Variants in PCDHGA2 observed in about 807,000 individuals in gnomAD.
PCDHGA2 encodes protocadherin gamma-A2.
A neutral mutation model predicts 59.2 loss-of-function variants in PCDHGA2; 40 were observed. The ratio of observed to expected loss-of-function variants is 0.68; its 90% CI spans 0.52 to 0.88. PCDHGA2 has a LOEUF of 0.88. Ranked by LOEUF, PCDHGA2 falls within the 40% of genes least tolerant of loss-of-function variation. The pLI is 0.00. For missense variants in PCDHGA2, 1,226 were observed against 1,204.0 expected, an observed-to-expected ratio of 1.02 and a Z score of -0.27; for synonymous variants, 560 against 526.0, an observed-to-expected ratio of 1.06 and a Z score of -0.89.
At chr5:141,371,060 A>G in intron 1 of PCDHGA2, 1 of 1,613,980 alleles carries the variant, frequency 6.2e-7, no homozygotes, top group Non-Finnish European at 8.5e-7. Flanking sequence ...AGCCCTCCAG[A>G]AGCTGTACCA....
At chr5:141,390,266 A>C in intron 1 of PCDHGA2, 2 of 1,614,010 alleles carry the variant, frequency 1.2e-6, no homozygotes, top group East Asian at 4.5e-5. Context: ...ATTCCAGTGA[A>C]TTGACTTCCC....
In PCDHGA2 at chr5:141,340,257, A is replaced by T. The variant is rs76916777; in HGVS notation, c.1286A>T (p.Asn429Ile). 832 of 1,613,918 alleles carry T rather than the reference A, an allele frequency of 5.2e-4. 3 individuals carry two copies. The African/African-American group carries it at 8.8e-3, about 17-fold the overall frequency. ...NITLTAKDGG[N>I]PSLSTDAHIL... ...ACTCTAACCGCTAAAGATGGAGGGA[A>T]CCCCTCCCTGTCCACGGATGCTCAC... The change falls in exon 1 of 4, where the codon AAC becomes ATC. Residue 429 changes from asparagine to isoleucine, a missense_variant. Asn to Ile is a moderately radical substitution (Grantham distance 149, BLOSUM62 -3). Transcript: ENST00000394576.
chr5:141,355,151 C>A, intron 1 of PCDHGA2: 1 of 1,548,600 alleles, frequency 6.5e-7, no homozygotes, highest in Middle Eastern at 2.4e-4. Flanking sequence ...GCTCCTCAGG[C>A]CTCGACAGAG....
intron 1 of PCDHGA2, chr5:141,410,614 G>A: frequency 6.2e-7 from 1 of 1,604,858 alleles, no homozygotes; most frequent in South Asian, 1.1e-5. Flanking sequence ...CTGAGACTCT[G>A]ACTTCGGTGA....
At chr5:141,419,991 T>C (rs1192003266) in intron 1 of PCDHGA2, 1 of 1,614,078 alleles carries the variant, frequency 6.2e-7, no homozygotes. Context: ...ATTCTAGCTA[T>C]TGCTCTACGC....
chr5:141,441,565 C>T (rs1049476318), intron 1 of PCDHGA2: 62 of 200,838 alleles, frequency 3.1e-4, no homozygotes, highest in African/African-American at 1.4e-3. Context: ...CAAGTAGACA[C>T]CTCCAACCTA....
intron 3 of PCDHGA2, among the ~76,000 whole-genome samples, chr5:141,509,574 G>T (rs554778751): frequency 6.6e-6 from 1 of 152,300 alleles, no homozygotes; most frequent in South Asian, 2.1e-4. Context: ...TTCACAGTGC[G>T]TACAAATCAG....
intron 1 of PCDHGA2, chr5:141,371,141 C>A: frequency 2.2e-5 from 35 of 1,613,982 alleles, no homozygotes; most frequent in Non-Finnish European, 2.8e-5. Context: ...TGTACAGGGT[C>A]AATGTTGCAG....
intron 1 of PCDHGA2, chr5:141,366,227 C>G (rs1217431580): frequency 6.2e-7 from 1 of 1,613,816 alleles, no homozygotes; most frequent in South Asian, 1.1e-5. Context: ...GCGAGCCCTG[C>G]TGGACAGAGA....
chr5:141,381,832 T>TCTTC (rs1561589349), intron 1 of PCDHGA2, among the ~76,000 whole-genome samples: 34 of 135,172 alleles, frequency 2.5e-4, no homozygotes, highest in African/African-American at 1.0e-3. Context: ...TCTTCTTTTT[T>TCTTC]TTTTTTTTTT....
chr5:141,401,446 A>G (rs1200787289), intron 1 of PCDHGA2, among the ~76,000 whole-genome samples: 1 of 152,244 alleles, frequency 6.6e-6, no homozygotes, highest in Non-Finnish European at 1.5e-5. Context: ...GAAGGTCCAA[A>G]TCATCCAAAT....
chr5:141,503,136 A>G (rs1352550702), intron 2 of PCDHGA2, among the ~76,000 whole-genome samples: 5 of 151,846 alleles, frequency 3.3e-5, no homozygotes, highest in Admixed American at 2.0e-4. Context: ...GTAGCCCCTG[A>G]CACAGCCCAT....
chr5:141,368,654 A>G (rs1278983703), intron 1 of PCDHGA2, among the ~76,000 whole-genome samples: 1 of 152,204 alleles, frequency 6.6e-6, no homozygotes, highest in Admixed American at 6.5e-5. Flanking sequence ...GCAATGGAAA[A>G]ATATCTTTAA....
chr5:141,494,815 G>T lies in PCDHGA2; in HGVS notation c.2433G>T (p.Pro811=). The change falls in exon 2 of 4, where the codon CCG becomes CCT. Residue 811 remains proline, a synonymous_variant. Transcript: ENST00000394576. ...CTCTGTTTTCTCCACAGCAAGCCCC[G>T]CCCAACACGGACTGGCGTTTCTCTC... The part of the protein sequence containing the change: ...EREETFSQQA[P]PNTDWRFSQA... 1.2e-6 allele frequency: 2 copies of T among 1,613,976 alleles called. No individual in the cohort carries two copies. The highest frequency in any genetic ancestry group is 1.1e-5 in the South Asian group (1 of 91,072).
At chr5:141,417,900 G>T (rs563876979) in intron 1 of PCDHGA2, 1 of 1,583,452 alleles carries the variant, frequency 6.3e-7, no homozygotes, top group African/African-American at 1.3e-5. Flanking sequence ...GCCGGCCCGC[G>T]GCAGGTACTA....
chr5:141,394,069 A>G (rs1054107584), intron 1 of PCDHGA2: 1 of 1,613,862 alleles, frequency 6.2e-7, no homozygotes, highest in African/African-American at 1.3e-5. Context: ...TCTATCTACA[A>G]TATCACAGTG....
At chr5:141,383,115 G>A (rs1588935536) in intron 1 of PCDHGA2, 4 of 1,614,078 alleles carry the variant, frequency 2.5e-6, no homozygotes, top group Non-Finnish European at 2.5e-6. Context: ...GAGGTAGGAC[G>A]CAGCTTTTCG....
chr5:141,413,803 G>A (rs1331029473), intron 1 of PCDHGA2: 3 of 1,613,142 alleles, frequency 1.9e-6, no homozygotes, highest in Non-Finnish European at 1.7e-6. Flanking sequence ...CGAGGAAGAG[G>A]CCATTCACCA....
rs759756007 is a variant in PCDHGA2 at position 141,476,248 on chromosome 5, T to C, written c.2425-18559T>C. 2 of 1,613,856 alleles carry C rather than the reference T, an allele frequency of 1.2e-6. No individual in the cohort carries two copies. Among genetic ancestry groups the C allele is most frequent in the South Asian group, 2.2e-5 (2 of 91,050 alleles). On this transcript the variant is annotated intron_variant, in intron 1 of 3. Transcript: ENST00000394576. The surrounding 1 kb of genome is among the most constrained non-coding windows in gnomAD (Gnocchi z 7.6). The stretch of plus-strand genomic sequence containing the variant: ...AGATCCCGGAGGAAAGAGAGAAGGG[T>C]TTCGCTGTGGGCAACGTGGTCGCGA...
Sources: gnomAD v4.1 joint callset for allele counts (sites outside exome capture counted in the v4.1 genomes callset) on GRCh38, gnomAD v4.1.1 for gene constraint, Gnocchi (gnomAD v3.1) non-coding constraint, MANE v1.5 for transcripts, NCBI Gene and HGNC (gene_info 2026-07-23, HGNC 2026-07-21) for gene names.